The following PTPRD variants were observed in gnomAD, a reference collection of about 807,000 sequenced individuals.
PTPRD encodes the protein receptor-type tyrosine-protein phosphatase delta.
In PTPRD, 34 loss-of-function variants were observed where a neutral mutation model predicts 214.5. The observed-to-expected ratio is 0.16, with a 90% CI of 0.12 to 0.21. The LOEUF (loss-of-function observed/expected upper bound fraction) is 0.21, where lower values mean the gene tolerates loss of function less well. PTPRD is among the 10% of genes least tolerant of loss of function. PTPRD has a pLI of 1.00. For missense variants in PTPRD, 2,545 were observed against 2,398.7 expected (o/e 1.06, Z -1.27); for synonymous variants, 1,128 against 845.7 (o/e 1.33, Z -5.79).
At chr9:10,024,246 A>C (rs1361187653) in intron 4 of PTPRD, among the ~76,000 whole-genome samples, 2 of 152,152 alleles carry the variant, frequency 1.3e-5, no homozygotes, top group Non-Finnish European at 2.9e-5. Context: ...ATTTATTCTA[A>C]AGTAAGTTTA....
chr9:10,164,029 C>G (rs1418867572), intron 3 of PTPRD, among the ~76,000 whole-genome samples: 2 of 151,374 alleles, frequency 1.3e-5, no homozygotes, highest in Non-Finnish European at 3.0e-5. Context: ...AAAAAGATCA[C>G]TTGGCCTGAA....
intron 3 of PTPRD, among the ~76,000 whole-genome samples, chr9:10,228,602 T>C (rs1299368684): frequency 6.6e-6 from 1 of 151,842 alleles, no homozygotes; most frequent in Non-Finnish European, 1.5e-5. Flanking sequence ...CTATTCCTCA[T>C]GATTCTTGTA....
At chr9:9,580,326 A>G (rs1028898608) in intron 7 of PTPRD, among the ~76,000 whole-genome samples, 11 of 152,134 alleles carry the variant, frequency 7.2e-5, no homozygotes, top group African/African-American at 2.7e-4. Flanking sequence ...CATTCCCACC[A>G]ACAGTGTATA....
At chr9:9,115,610 T>C (rs535774160) in intron 10 of PTPRD, among the ~76,000 whole-genome samples, 1 of 152,266 alleles carries the variant, frequency 6.6e-6, no homozygotes, top group South Asian at 2.1e-4. Flanking sequence ...TCATTCAATC[T>C]AGCAATCCCA....
At chr9:9,479,255 G>C (rs2095289072) in intron 8 of PTPRD, among the ~76,000 whole-genome samples, 1 of 105,370 alleles carries the variant, frequency 9.5e-6, no homozygotes, top group Non-Finnish European at 1.7e-5. Flanking sequence ...TCTAGCATTT[G>C]GAATTATAAA....
In PTPRD at chr9:10,495,548, T is replaced by C. The variant is rs562517774; in HGVS notation, c.-600+116850A>G. 7.2e-5 allele frequency among the ~76,000 whole-genome samples: 11 copies of C among 152,042 alleles called. No homozygotes were observed. The South Asian group carries it at 1.7e-3, about 23-fold the overall frequency. ...GTCTGATAACTCTAACAGCTTTTAC[T>C]ATGTACTATTCACTGTTTTAGGTGT... On this transcript the variant is annotated intron_variant, in intron 2 of 45. Coordinates refer to ENST00000381196, the MANE Select transcript of PTPRD (RefSeq NM_002839.4).
At chr9:9,711,703 C>T (rs950974130) in intron 7 of PTPRD, among the ~76,000 whole-genome samples, 2 of 152,284 alleles carry the variant, frequency 1.3e-5, no homozygotes, top group African/African-American at 4.8e-5. Context: ...GTTACTACTA[C>T]ATGTAGCGGG....
intron 4 of PTPRD, among the ~76,000 whole-genome samples, chr9:9,942,419 A>C (rs574471230): frequency 1.3e-5 from 2 of 152,162 alleles, no homozygotes; most frequent in South Asian, 4.1e-4. Context: ...CGATTTAAAA[A>C]ACCCCTTTAC....
chr9:8,669,030 A>G (rs1006843320), intron 12 of PTPRD, among the ~76,000 whole-genome samples: 1 of 152,140 alleles, frequency 6.6e-6, no homozygotes, highest in Non-Finnish European at 1.5e-5. Context: ...TGGGGAGTTC[A>G]GCGGAGAGAG....
intron 2 of PTPRD, among the ~76,000 whole-genome samples, chr9:10,588,601 T>C (rs1027310310): frequency 2.0e-5 from 3 of 152,070 alleles, no homozygotes; most frequent in African/African-American, 4.8e-5. Flanking sequence ...TTGAAAATTA[T>C]AAAGCAAATA....
chr9:9,710,867 A>G (rs2097713498), intron 7 of PTPRD, among the ~76,000 whole-genome samples: 1 of 152,156 alleles, frequency 6.6e-6, no homozygotes, highest in South Asian at 2.1e-4. Flanking sequence ...TGAGAAGAAG[A>G]CATGATTTCC....
chr9:8,800,024 T>G (rs1439100935), intron 11 of PTPRD, among the ~76,000 whole-genome samples: 1 of 151,896 alleles, frequency 6.6e-6, no homozygotes, highest in African/African-American at 2.4e-5. Flanking sequence ...AACATTCATA[T>G]CCATGAGTTA....
intron 3 of PTPRD, among the ~76,000 whole-genome samples, chr9:10,141,702 A>G (rs1172000249): frequency 2.6e-5 from 4 of 152,068 alleles, no homozygotes; most frequent in Non-Finnish European, 5.9e-5. Context: ...ATTCAATGCC[A>G]TCCCCATCAA....
intron 3 of PTPRD, among the ~76,000 whole-genome samples, chr9:10,189,384 T>C (rs1387641248): frequency 6.6e-6 from 1 of 152,144 alleles, no homozygotes; most frequent in Non-Finnish European, 1.5e-5. Context: ...CAGAATTCCT[T>C]ACACGGGGCT....
At chr9:9,609,778 T>C (rs2094417682) in intron 7 of PTPRD, among the ~76,000 whole-genome samples, 1 of 152,166 alleles carries the variant, frequency 6.6e-6, no homozygotes, top group Non-Finnish European at 1.5e-5. Context: ...TGAACTTTCA[T>C]AAGCTTGAAC....
chr9:9,640,300 C>G (rs1301690838), intron 7 of PTPRD, among the ~76,000 whole-genome samples: 3 of 152,164 alleles, frequency 2.0e-5, no homozygotes, highest in Non-Finnish European at 4.4e-5. Context: ...TTCCGAGGAA[C>G]AGTTTTTGAA....
intron 27 of PTPRD, 70 bp from the exon 28 acceptor site, chr9:8,486,419 A>G: frequency 7.6e-7 from 1 of 1,316,398 alleles, no homozygotes; most frequent in Non-Finnish European, 1.1e-6. Flanking sequence ...TTGCCAAATG[A>G]GGGAGTTCCA....
chr9:9,825,658 T>A (rs186317404), intron 5 of PTPRD, among the ~76,000 whole-genome samples: 1 of 152,040 alleles, frequency 6.6e-6, no homozygotes, highest in African/African-American at 2.4e-5. Context: ...AGGGAAAACT[T>A]AAAGAAACGA....
At chr9:8,443,155 A>T (rs577957891) in intron 34 of PTPRD, among the ~76,000 whole-genome samples, 38 of 152,352 alleles carry the variant, frequency 2.5e-4, no homozygotes, top group East Asian at 7.7e-4. Context: ...AAAACATTTT[A>T]AAAAATTTTT....
Sources: gnomAD v4.1 joint callset for allele counts (sites outside exome capture counted in the v4.1 genomes callset) on GRCh38, gnomAD v4.1.1 for gene constraint, MANE v1.5 for transcripts, NCBI Gene and HGNC (gene_info 2026-07-23, HGNC 2026-07-21) for gene names.